The following PCDHA2 variants were observed in gnomAD, a reference collection of about 807,000 sequenced individuals.
The protein encoded by PCDHA2 is protocadherin alpha-2.
A neutral mutation model predicts 66.0 loss-of-function variants in PCDHA2; 58 were observed. The observed-to-expected ratio is 0.88, with a 90% CI of 0.71 to 1.09. The LOEUF (loss-of-function observed/expected upper bound fraction) is 1.09. PCDHA2 is among the 50% of genes least tolerant of loss of function. The pLI, the probability that PCDHA2 is intolerant of heterozygous loss-of-function variation, is 0.00. For synonymous variants in PCDHA2, 634 were observed against 554.0 expected, an observed-to-expected ratio of 1.14 and a Z score of -2.03; for missense variants, 1,267 against 1,242.3, an observed-to-expected ratio of 1.02 and a Z score of -0.30.
In PCDHA2 at chr5:140,830,182, C is replaced by T. The variant is rs2150182524; in HGVS notation, c.2388+32830C>T. The T allele has an allele frequency of 8.7e-6, 14 of 1,613,656 alleles. No homozygotes were observed. The African/African-American group carries it at 1.9e-4, about 21-fold the overall frequency. ...CAGAGGCGGCGCTGGTGGATGTCAA[C>T]GTGTACCTGATCATCGCCATCTGCG... On this transcript the variant is annotated intron_variant, in intron 1 of 3. Transcript: ENST00000526136.
chr5:140,864,592 C>G (rs1005645849), intron 1 of PCDHA2: 6 of 152,206 alleles, frequency 3.9e-5, no homozygotes, highest in South Asian at 4.1e-4. Flanking sequence ...TCAACTACTT[C>G]AGATAGCCAA....
At chr5:140,841,446 G>A (rs2150180701) in intron 1 of PCDHA2, 1 of 1,612,928 alleles carries the variant, frequency 6.2e-7, no homozygotes, top group Non-Finnish European at 8.5e-7. Context: ...GCCAAACACG[G>A]CACCTTCGTG....
intron 3 of PCDHA2, among the ~76,000 whole-genome samples, chr5:140,999,039 T>C (rs1554256567): frequency 6.6e-6 from 1 of 152,214 alleles, no homozygotes; most frequent in Admixed American, 6.5e-5. Flanking sequence ...CTTCGTCCAG[T>C]GTGCTTTCCA....
intron 1 of PCDHA2, chr5:140,857,988 T>A (rs370495338): frequency 6.3e-7 from 1 of 1,596,894 alleles, no homozygotes; most frequent in South Asian, 1.1e-5. Context: ...CAGCGCCTAC[T>A]GGTGCTGGTG....
At chr5:140,804,486 A>G (rs2149978699) in intron 1 of PCDHA2, 1 of 152,248 alleles carries the variant, frequency 6.6e-6, no homozygotes, top group East Asian at 1.9e-4. Context: ...TCTTGAAAAT[A>G]ATTATGGTAT....
chr5:140,909,454 C>G (rs1317276726), intron 1 of PCDHA2, among the ~76,000 whole-genome samples: 2 of 152,190 alleles, frequency 1.3e-5, no homozygotes, highest in African/African-American at 4.8e-5. Flanking sequence ...TCTCCAAGAT[C>G]CATCTGTCTT....
chr5:140,825,706 G>A (rs1476381840), intron 1 of PCDHA2: 1 of 152,286 alleles, frequency 6.6e-6, no homozygotes, highest in Non-Finnish European at 1.5e-5. Context: ...GCAGGCATGA[G>A]CCATCGCGCC....
At chr5:140,867,027 C>T (rs1043288554) in intron 1 of PCDHA2, 4 of 152,102 alleles carry the variant, frequency 2.6e-5, no homozygotes, top group Non-Finnish European at 5.9e-5. Context: ...ATATCAAACT[C>T]TTTTATGACT....
chr5:140,831,383 A>G (rs1416445825), intron 1 of PCDHA2, among the ~76,000 whole-genome samples: 1 of 151,732 alleles, frequency 6.6e-6, no homozygotes, highest in South Asian at 2.1e-4. Flanking sequence ...TGTGTGTGAC[A>G]GGGTCTTGCT....
intron 1 of PCDHA2, among the ~76,000 whole-genome samples, chr5:140,978,570 G>C (rs151127662): frequency 6.6e-6 from 1 of 152,196 alleles, no homozygotes; most frequent in Middle Eastern, 3.2e-3. Flanking sequence ...CTGTAATACT[G>C]AATTGGGAAT....
chr5:140,849,692 C>T, intron 1 of PCDHA2: 2 of 1,598,700 alleles, frequency 1.3e-6, no homozygotes, highest in Non-Finnish European at 1.7e-6. Context: ...AGCTGGTGTC[C>T]ACCTACAAGA....
chr5:140,884,209 T>G (rs1159344104), intron 1 of PCDHA2: 6 of 1,613,276 alleles, frequency 3.7e-6, no homozygotes, highest in Non-Finnish European at 3.4e-6. Context: ...ACCACCGCCT[T>G]CTGGTGCTGG....
chr5:140,974,613 G>A (rs1416866366), intron 1 of PCDHA2, among the ~76,000 whole-genome samples: 2 of 152,164 alleles, frequency 1.3e-5, no homozygotes, highest in African/African-American at 4.8e-5. Flanking sequence ...CAGGGTTCAA[G>A]CGATTCTCCT....
chr5:140,802,721 G>T (rs782075667), intron 1 of PCDHA2: 20 of 1,612,630 alleles, frequency 1.2e-5, no homozygotes, highest in Middle Eastern at 3.9e-4. Context: ...CGAGCTACGT[G>T]TCGGTACACG....
At chr5:140,835,817 G>C (rs2150245565) in intron 1 of PCDHA2, 1 of 1,612,752 alleles carries the variant, frequency 6.2e-7, no homozygotes, top group Non-Finnish European at 8.5e-7. Flanking sequence ...TCACTGTGTC[G>C]GCGGGGGACG....
intron 1 of PCDHA2, chr5:140,869,090 C>T: frequency 6.3e-7 from 1 of 1,589,674 alleles, no homozygotes; most frequent in Non-Finnish European, 8.6e-7. Context: ...TTTTGGAAGC[C>T]AATTTCGTAT....
chr5:140,994,429 G>A (rs1474074265), intron 3 of PCDHA2, among the ~76,000 whole-genome samples: 1 of 152,110 alleles, frequency 6.6e-6, no homozygotes, highest in Non-Finnish European at 1.5e-5. Flanking sequence ...GAGGCCGGGC[G>A]CAGTGGCTCA....
intron 1 of PCDHA2, among the ~76,000 whole-genome samples, chr5:140,972,152 A>T (rs1481801555): frequency 6.6e-6 from 1 of 151,770 alleles, no homozygotes; most frequent in African/African-American, 2.4e-5. Context: ...TTTTATTTTT[A>T]TTTTTTTGAG....
intron 1 of PCDHA2, among the ~76,000 whole-genome samples, chr5:140,906,376 C>T (rs1372120775): frequency 1.3e-5 from 2 of 152,166 alleles, no homozygotes; most frequent in Admixed American, 6.5e-5. Context: ...AATGCTATTA[C>T]ATAAAGTTAA....
Sources: allele counts gnomAD v4.1 joint callset (sites outside exome capture counted in the v4.1 genomes callset), GRCh38; gene constraint gnomAD v4.1.1; transcripts MANE v1.5; gene names NCBI Gene and HGNC (gene_info 2026-07-23, HGNC 2026-07-21).